Variants in STRN observed in about 807,000 individuals in gnomAD.
STRN encodes striatin, also known as protein phosphatase 2 regulatory subunit B'''alpha.
A neutral mutation model predicts 96.3 loss-of-function variants in STRN; 53 were observed. That is an observed-to-expected ratio of 0.55 (90% confidence interval 0.44 to 0.69). The LOEUF is 0.69. STRN is among the 30% of genes least tolerant of loss of function. The pLI, the probability that STRN is intolerant of heterozygous loss-of-function variation, is 0.00. For synonymous variants in STRN, 428 were observed against 355.9 expected (o/e 1.20, Z -2.28); for missense variants, 987 against 963.9 (o/e 1.02, Z -0.32).
chr2:36,841,300 T>C lies in STRN; in HGVS notation c.*8156A>G, dbSNP rs1456981908. 6.6e-6 allele frequency: 1 copy of C among 152,076 alleles called. No individual in the cohort carries two copies. The highest frequency in any genetic ancestry group is 6.6e-5 in the Admixed American group (1 of 15,246). 9.4% of individuals were successfully genotyped at this position (152,076 alleles called of 1,614,324 possible). A position where few individuals can be genotyped will look rare whatever the true frequency, so the allele number is the denominator to read the frequency against. On this transcript the variant is annotated 3_prime_UTR_variant, in exon 18 of 18. Coordinates refer to ENST00000263918, the MANE Select transcript of STRN (RefSeq NM_003162.4). ...AGCCTGATTCCTTCTGACCCTGAGA[T>C]ATACAAGGAAACTGAACAAATACCA... is the stretch of plus-strand genomic sequence containing the variant.
chr2:36,863,462 T>C (rs1367324154), intron 12 of STRN, among the ~76,000 whole-genome samples: 1 of 152,232 alleles, frequency 6.6e-6, no homozygotes, highest in Non-Finnish European at 1.5e-5. Flanking sequence ...GTCAACTTTG[T>C]CGAAGATTAG....
intron 1 of STRN, among the ~76,000 whole-genome samples, chr2:36,936,846 C>T (rs1474868527): frequency 6.6e-6 from 1 of 152,150 alleles, no homozygotes; most frequent in Non-Finnish European, 1.5e-5. Context: ...TCACAACTCA[C>T]CTTTCATTTT....
At chr2:36,863,581 G>C (rs911318512) in intron 12 of STRN, among the ~76,000 whole-genome samples, 1 of 152,194 alleles carries the variant, frequency 6.6e-6, no homozygotes, top group Non-Finnish European at 1.5e-5. Flanking sequence ...CAGCCCTGTA[G>C]TATAGTTTGA....
chr2:36,846,713 T>G lies in STRN; in HGVS notation c.*2743A>C, dbSNP rs1222420301. The G allele has an allele frequency of 6.6e-6, 1 of 151,918 alleles. No homozygotes were observed. Among genetic ancestry groups the G allele is most frequent in the Non-Finnish European group, 1.5e-5 (1 of 67,976 alleles). The allele number at this position is 151,918 out of a possible 1,614,324, so 9.4% of individuals were successfully genotyped here. On this transcript the variant is annotated 3_prime_UTR_variant, in exon 18 of 18. Coordinates refer to ENST00000263918, the MANE Select transcript of STRN (RefSeq NM_003162.4). Reference sequence around the variant, plus strand: ...TTAATGGCAAAAGTTGTTAAACTTGTTCAATAGAAAAATACTGAAGGTCAT... The same window carrying G: ...TTAATGGCAAAAGTTGTTAAACTTGGTCAATAGAAAAATACTGAAGGTCAT...
intron 1 of STRN, among the ~76,000 whole-genome samples, chr2:36,925,451 T>C (rs757468006): frequency 4.6e-5 from 7 of 152,140 alleles, no homozygotes; most frequent in Non-Finnish European, 1.0e-4. Flanking sequence ...TTACAACACA[T>C]AGTCCACATC....
intron 1 of STRN, among the ~76,000 whole-genome samples, chr2:36,940,882 A>G (rs1239899983): frequency 6.7e-6 from 1 of 150,318 alleles, no homozygotes; most frequent in Admixed American, 6.6e-5. Flanking sequence ...GCTGGGCACA[A>G]TGGCCCATGC....
chr2:36,895,309 A>G (rs1669509932), intron 6 of STRN, among the ~76,000 whole-genome samples: 1 of 151,912 alleles, frequency 6.6e-6, no homozygotes. Flanking sequence ...CCTGGGCGAC[A>G]GAGCAAGACT....
intron 1 of STRN, among the ~76,000 whole-genome samples, chr2:36,952,449 G>GAAAAAAAA (rs10557458): frequency 3.9e-5 from 3 of 76,926 alleles, no homozygotes. Context: ...AAGCACGAGA[G>GAAAAAAAA]AAAAAAAAAA....
In STRN at chr2:36,915,334, G is replaced by A. The variant is rs1428298948; in HGVS notation, c.412+744C>T. Among the ~76,000 whole-genome samples, 6 of 142,256 alleles carry A rather than the reference G, an allele frequency of 4.2e-5. No homozygotes were observed. The East Asian group carries it at 1.3e-3, about 31-fold the overall frequency. The allele number at this position is 142,256 out of a possible 152,430, so 93.3% of individuals were successfully genotyped here. ...ATATAAATGAACATTAATGTCTTCA[G>A]ATATCTGATTGGGAAATTTAACCTG... On this transcript the variant is annotated intron_variant, in intron 3 of 17. Coordinates refer to ENST00000263918, the MANE Select transcript of STRN (RefSeq NM_003162.4).
At chr2:36,895,024 C>T (rs1363494593) in intron 6 of STRN, among the ~76,000 whole-genome samples, 2 of 152,118 alleles carry the variant, frequency 1.3e-5, no homozygotes, top group African/African-American at 4.8e-5. Flanking sequence ...TGTCCTGATA[C>T]ATATAAAAAC....
At chr2:36,910,399 G>A (rs1045566666) in intron 3 of STRN, among the ~76,000 whole-genome samples, 3 of 152,010 alleles carry the variant, frequency 2.0e-5, no homozygotes, top group African/African-American at 7.3e-5. Flanking sequence ...AATAACAATG[G>A]AGTGTGTGGT....
intron 3 of STRN, among the ~76,000 whole-genome samples, chr2:36,912,387 C>T (rs1178085388): frequency 6.6e-6 from 1 of 152,208 alleles, no homozygotes; most frequent in Non-Finnish European, 1.5e-5. Context: ...CCTCACCTCT[C>T]TCCTTAAGTT....
At chr2:36,869,226 C>T (rs1273096107) in intron 11 of STRN, among the ~76,000 whole-genome samples, 1 of 152,140 alleles carries the variant, frequency 6.6e-6, no homozygotes, top group Non-Finnish European at 1.5e-5. Flanking sequence ...GATGCATATA[C>T]CTGTTTACAA....
intron 6 of STRN, among the ~76,000 whole-genome samples, chr2:36,898,891 G>C (rs1390445976): frequency 6.6e-6 from 1 of 152,078 alleles, no homozygotes; most frequent in African/African-American, 2.4e-5. Context: ...AGAGAGAGAA[G>C]GGAGAAGGGG....
At chr2:36,964,239 T>C (rs1183289120) in intron 1 of STRN, among the ~76,000 whole-genome samples, 1 of 150,342 alleles carries the variant, frequency 6.7e-6, no homozygotes, top group African/African-American at 2.5e-5. Context: ...AAGGTAAGCA[T>C]TGTTTTCTGG....
intron 10 of STRN, among the ~76,000 whole-genome samples, chr2:36,872,550 G>A (rs1319837769): frequency 1.3e-5 from 2 of 152,118 alleles, no homozygotes; most frequent in Admixed American, 6.5e-5. Context: ...GTTTTAAGCC[G>A]CTAAGTTTTG....
intron 3 of STRN, among the ~76,000 whole-genome samples, chr2:36,906,554 G>T (rs943860144): frequency 6.6e-6 from 1 of 152,110 alleles, no homozygotes; most frequent in Admixed American, 6.6e-5. Context: ...AATGATGGTA[G>T]AAGAGCCAAT....
In STRN at chr2:36,902,758, G is replaced by A. The variant is rs377634074; in HGVS notation, c.492-7C>T. On this transcript the variant is annotated splice_polypyrimidine_tract_variant and splice_region_variant and intron_variant, in intron 4 of 17. Coordinates refer to ENST00000263918, the MANE Select transcript of STRN (RefSeq NM_003162.4). ...ACCCACCTCCTGTAGATACCTGTGT[G>A]AAGAGAATCCTTAGAGTTCAGTCAT... The A allele has an allele frequency of 2.3e-4, 364 of 1,590,392 alleles. No homozygotes were observed. Among genetic ancestry groups the A allele is most frequent in the Non-Finnish European group, 2.7e-4 (310 of 1,167,180 alleles).
In STRN at chr2:36,869,542, G is replaced by C. The variant is rs1668711579; in HGVS notation, c.1499+12C>G. ...AAAATATTCAAATAATGTTAAAGTA[G>C]AATATTCTCACTTTTTGGCTGGGGC... On this transcript the variant is annotated intron_variant, in intron 11 of 17. Coordinates refer to ENST00000263918, the MANE Select transcript of STRN (RefSeq NM_003162.4). The C allele has an allele frequency of 6.6e-7, 1 of 1,507,570 alleles. No homozygotes were observed. Among genetic ancestry groups the C allele is most frequent in the African/African-American group, 1.4e-5 (1 of 70,928 alleles). 93.4% of individuals were successfully genotyped at this position (1,507,570 alleles called of 1,614,324 possible).
Sources: gnomAD v4.1 joint callset for allele counts (sites outside exome capture counted in the v4.1 genomes callset) on GRCh38, gnomAD v4.1.1 for gene constraint, MANE v1.5 for transcripts, NCBI Gene and HGNC (gene_info 2026-07-23, HGNC 2026-07-21) for gene names.